OPCML: variants seen among roughly 807,000 people sequenced by gnomAD.
OPCML encodes opioid binding protein/cell adhesion molecule like.
Under a neutral mutation model 37.8 loss-of-function variants are expected in OPCML, and 13 were observed. That is an observed-to-expected ratio of 0.34 (90% CI 0.22 to 0.55). OPCML has a LOEUF of 0.55. Ranked by LOEUF, OPCML falls within the 20% of genes least tolerant of loss-of-function variation. The probability of loss-of-function intolerance (pLI) is 0.91; values close to 1 mark genes in which losing one functional copy is unlikely to be tolerated. For missense variants in OPCML, 341 were observed against 435.6 expected (o/e 0.78, Z 1.93); for synonymous variants, 176 against 168.8 (o/e 1.04, Z -0.33).
Position 133,026,190 on chromosome 11 carries a change from T to G in OPCML, c.62-83180A>C, listed in dbSNP as rs375888718. Reference sequence around the variant, plus strand: ...TTAATAGCCTTAATCACGATGAAGCTTTGTAATCTGTAAAGCTTTCGAGCC... The same window carrying G: ...TTAATAGCCTTAATCACGATGAAGCGTTGTAATCTGTAAAGCTTTCGAGCC... On this transcript the variant is annotated intron_variant, in intron 1 of 7. Coordinates refer to ENST00000524381, the MANE Select transcript of OPCML (RefSeq NM_001012393.5). 3.1e-5 allele frequency: 23 copies of G among 735,252 alleles called. No individual in the cohort carries two copies. In the East Asian group the frequency reaches 1.0e-3, roughly 33 times the overall value. The allele number at this position is 735,252 out of a possible 1,614,324, so 45.5% of individuals were successfully genotyped here. A position where few individuals can be genotyped will look rare whatever the true frequency, so the allele number is the denominator to read the frequency against.
intron 1 of OPCML, among the ~76,000 whole-genome samples, chr11:133,442,726 C>CGT (rs371441649): frequency 0.074 from 10,515 of 141,292 alleles, 394 homozygotes; most frequent in South Asian, 0.13. Flanking sequence ...CATATTTAAA[C>CGT]GTGTGTGTGT....
chr11:132,894,432 A>G (rs1943760764), intron 2 of OPCML, among the ~76,000 whole-genome samples: 1 of 152,170 alleles, frequency 6.6e-6, no homozygotes, highest in Admixed American at 6.5e-5. Flanking sequence ...TTTATCCTCC[A>G]TAGAGCTAAT....
intron 3 of OPCML, among the ~76,000 whole-genome samples, chr11:132,546,349 T>C (rs2096368615): frequency 6.6e-6 from 1 of 152,196 alleles, no homozygotes. Context: ...ATAAGTTCTT[T>C]AGTGACTTCT....
chr11:132,613,719 A>T (rs938741754), intron 3 of OPCML, among the ~76,000 whole-genome samples: 5 of 152,214 alleles, frequency 3.3e-5, no homozygotes, highest in Non-Finnish European at 5.9e-5. Context: ...GAGAACAGAC[A>T]TATTTTTTTA....
In OPCML at chr11:132,935,982, A is replaced by G. The variant is rs566183263; in HGVS notation, c.146+6944T>C. ...CAACATTTAGGGCAGGTTCAAAGCC[A>G]TGAGCATCCATGATCCCCCTGGACA... is the stretch of plus-strand genomic sequence containing the variant. On this transcript the variant is annotated intron_variant, in intron 2 of 7. Coordinates refer to ENST00000524381, the MANE Select transcript of OPCML (RefSeq NM_001012393.5). 2.1e-3 allele frequency among the ~76,000 whole-genome samples: 324 copies of G among 152,300 alleles called. 1 individual carries two copies. Among genetic ancestry groups the G allele is most frequent in the Non-Finnish European group, 4.0e-3 (272 of 68,016 alleles).
chr11:132,923,437 G>T (rs2136596091), intron 2 of OPCML, among the ~76,000 whole-genome samples: 1 of 152,234 alleles, frequency 6.6e-6, no homozygotes, highest in Non-Finnish European at 1.5e-5. Context: ...AAGGTGACAG[G>T]AAAATCAGAA....
chr11:133,364,013 G>C (rs981857674), intron 1 of OPCML, among the ~76,000 whole-genome samples: 4 of 152,114 alleles, frequency 2.6e-5, no homozygotes, highest in African/African-American at 9.7e-5. Flanking sequence ...TCTGCTAAGA[G>C]GGCCTCCCAC....
In OPCML at chr11:133,126,054, G is replaced by A. The variant is rs1325815458; in HGVS notation, c.62-183044C>T. Among the ~76,000 whole-genome samples, 4 of 113,760 alleles carry A rather than the reference G, an allele frequency of 3.5e-5. No individual in the cohort carries two copies. The East Asian group carries it at 8.1e-4, about 23-fold the overall frequency. 74.6% of individuals were successfully genotyped at this position (113,760 alleles called of 152,430 possible). ...CTATATATATACTACATATACACAT[G>A]TATATATATGTACCATACACACACA... On this transcript the variant is annotated intron_variant, in intron 1 of 7. Transcript: ENST00000524381.
At position 133,268,917 on chromosome 11, in the gene OPCML, C is replaced by T. The variant is rs114650646; in HGVS notation, c.61+263347G>A. Among the ~76,000 whole-genome samples, 476 of 152,268 alleles carry T rather than the reference C, an allele frequency of 3.1e-3. 2 individuals are homozygous for T. The highest frequency in any genetic ancestry group is 0.011 in the African/African-American group (459 of 41,564). On this transcript the variant is annotated intron_variant, in intron 1 of 7. Transcript: ENST00000524381. ...TACTGTTTAGGCTTATAGTAGAAAA[C>T]ACTGGTCCCGAGGACTTACATCCAT...
At chr11:133,018,863 T>G (rs1004727728) in intron 1 of OPCML, among the ~76,000 whole-genome samples, 8 of 152,302 alleles carry the variant, frequency 5.3e-5, no homozygotes, top group African/African-American at 1.2e-4. Flanking sequence ...GGTCAGCCCT[T>G]AAATGAGGAC....
intron 2 of OPCML, among the ~76,000 whole-genome samples, chr11:132,859,848 C>A (rs1290413757): frequency 6.6e-6 from 1 of 152,324 alleles, no homozygotes; most frequent in African/African-American, 2.4e-5. Flanking sequence ...TCATTTCCAT[C>A]ATTTTCTCAA....
intron 1 of OPCML, among the ~76,000 whole-genome samples, chr11:133,516,825 CTTT>C (rs1487705729): frequency 1.3e-5 from 2 of 152,174 alleles, no homozygotes; most frequent in Non-Finnish European, 2.9e-5. Flanking sequence ...CTTCAGTGGT[CTTT>C]TTTATTTTTT....
At chr11:133,381,802 C>A (rs1481132896) in intron 1 of OPCML, among the ~76,000 whole-genome samples, 1 of 152,226 alleles carries the variant, frequency 6.6e-6, no homozygotes, top group Non-Finnish European at 1.5e-5. Context: ...GACATGAACA[C>A]TTTATGTGGA....
At chr11:133,104,429 T>C (rs145546277) in intron 1 of OPCML, among the ~76,000 whole-genome samples, 62 of 152,276 alleles carry the variant, frequency 4.1e-4, no homozygotes, top group South Asian at 1.7e-3. Context: ...CATAGGGACC[T>C]GGAAAAAAAG....
intron 1 of OPCML, among the ~76,000 whole-genome samples, chr11:133,404,698 G>C (rs1013927682): frequency 6.6e-6 from 1 of 152,198 alleles, no homozygotes; most frequent in African/African-American, 2.4e-5. Flanking sequence ...GGCTGATGCA[G>C]CTTTAGCTAG....
At chr11:133,083,182 C>G (rs895187385) in intron 1 of OPCML, among the ~76,000 whole-genome samples, 1 of 152,112 alleles carries the variant, frequency 6.6e-6, no homozygotes. Context: ...GAGCGGGCCG[C>G]ACAGTCACTG....
chr11:133,531,133 C>T (rs1948596925), intron 1 of OPCML, among the ~76,000 whole-genome samples: 1 of 152,138 alleles, frequency 6.6e-6, no homozygotes, highest in Admixed American at 6.6e-5. Context: ...GGTATGAAAA[C>T]CGACACTTTT....
chr11:133,195,797 C>A (rs1057503968), intron 1 of OPCML, among the ~76,000 whole-genome samples: 1 of 152,134 alleles, frequency 6.6e-6, no homozygotes, highest in Admixed American at 6.5e-5. Flanking sequence ...TAGCTATATT[C>A]TCCCTCACCA....
At chr11:132,704,650 A>C (rs1390167411) in intron 2 of OPCML, among the ~76,000 whole-genome samples, 2 of 152,250 alleles carry the variant, frequency 1.3e-5, no homozygotes, top group Non-Finnish European at 2.9e-5. Context: ...AAGTAAGGTC[A>C]AAATATGGAG....
Sources: allele counts gnomAD v4.1 joint callset (sites outside exome capture counted in the v4.1 genomes callset), GRCh38; gene constraint gnomAD v4.1.1; transcripts MANE v1.5; gene names NCBI Gene and HGNC (gene_info 2026-07-23, HGNC 2026-07-21).